RETREG1: variants seen among roughly 807,000 people sequenced by gnomAD.
RETREG1 encodes family with sequence similarity 134 member B.
A neutral mutation model predicts 54.8 loss-of-function variants in RETREG1; 44 were observed. The ratio of observed to expected loss-of-function variants is 0.80; its 90% CI spans 0.63 to 1.03. The LOEUF is 1.03. Ranked by LOEUF, RETREG1 falls within the 50% of genes least tolerant of loss-of-function variation. The probability of loss-of-function intolerance (pLI) is 0.00; values close to 1 mark genes in which losing one functional copy is unlikely to be tolerated. For missense variants in RETREG1, 554 were observed against 605.1 expected (o/e 0.92, Z 0.89); for synonymous variants, 217 against 238.5 (o/e 0.91, Z 0.83).
At chr5:16,487,896 T>C (rs1423343870) in intron 3 of RETREG1, among the ~76,000 whole-genome samples, 1 of 152,184 alleles carries the variant, frequency 6.6e-6, no homozygotes, top group Non-Finnish European at 1.5e-5. Context: ...CTGTCCCTAT[T>C]AGAATACAAT....
At chr5:16,508,887 T>TA (rs1740073860) in intron 3 of RETREG1, 1 of 1,306,256 alleles carries the variant, frequency 7.7e-7, no homozygotes, top group South Asian at 1.8e-5. Flanking sequence ...GGTCACCTCT[T>TA]ACTCCCAGTA....
chr5:16,474,696 A>ATTTTTTTTGTGT lies in RETREG1; in HGVS notation c.*44_*45insACACAAAAAAAA. 2.0e-6 allele frequency: 3 copies of ATTTTTTTTGTGT among 1,521,914 alleles called. No individual in the cohort carries two copies. The highest frequency in any genetic ancestry group is 1.3e-5 in the South Asian group (1 of 76,546). The allele number at this position is 1,521,914 out of a possible 1,614,324, so 94.3% of individuals were successfully genotyped here. On this transcript the variant is annotated 3_prime_UTR_variant, in exon 9 of 9. Coordinates refer to ENST00000306320, the MANE Select transcript of RETREG1 (RefSeq NM_001034850.3). ...TTTTTTTTTTTTTTTCTTGTTTGAAATTTTTTTGGTGTTTTTTGTGCTCTG... is the reference window on the plus strand; with the variant it reads ...TTTTTTTTTTTTTTTCTTGTTTGAAATTTTTTTTGTGTTTTTTTTGGTGTTTTTTGTGCTCTG...
chr5:16,486,247 AATTTAATCGAAATATATATG>A (rs969114224), intron 3 of RETREG1, among the ~76,000 whole-genome samples: 20 of 152,236 alleles, frequency 1.3e-4, no homozygotes, highest in African/African-American at 4.6e-4. Context: ...GGCTGAATAA[AATTTAATCGAAATATATATG>A]ATTTAAAAAG....
At chr5:16,576,488 A>T (rs115441812) in intron 1 of RETREG1, among the ~76,000 whole-genome samples, 6 of 148,776 alleles carry the variant, frequency 4.0e-5, no homozygotes, top group African/African-American at 9.9e-5. Context: ...TTATTTATTT[A>T]TTTTTTTATT....
intron 3 of RETREG1, among the ~76,000 whole-genome samples, chr5:16,547,344 C>A (rs182539977): frequency 2.2e-4 from 34 of 152,124 alleles, no homozygotes; most frequent in Non-Finnish European, 2.1e-4. Flanking sequence ...CTATTTTATC[C>A]GAGGAAAACA....
intron 1 of RETREG1, among the ~76,000 whole-genome samples, chr5:16,612,432 TAGACAGGGACAGGCGTGGGA>T (rs1463881899): frequency 3.9e-5 from 6 of 152,364 alleles, no homozygotes; most frequent in African/African-American, 1.4e-4. Flanking sequence ...GGAAACTGCG[TAGACAGGGACAGGCGTGGGA>T]AGACATCAAA....
rs1289071514 is a variant in RETREG1, at chr5:16,572,483, G to T, written c.321-381C>A. ...CCACCTCGGCCTCCCAAAGTGCTAG[G>T]ATTACAGGCGTGAGCCACTGTGCCT... On this transcript the variant is annotated intron_variant, in intron 1 of 8. Transcript: ENST00000306320. 2.6e-5 allele frequency among the ~76,000 whole-genome samples: 4 copies of T among 152,256 alleles called. No individual in the cohort carries two copies. In the East Asian group the frequency reaches 7.7e-4, roughly 29 times the overall value.
intron 3 of RETREG1, chr5:16,509,038 CTTTT>C (rs11403979): frequency 8.7e-6 from 8 of 921,344 alleles, no homozygotes; most frequent in African/African-American, 2.0e-5. Context: ...CTTCCCCCGG[CTTTT>C]TTTTTTTTTT....
At chr5:16,497,679 G>T (rs1380452590) in intron 3 of RETREG1, among the ~76,000 whole-genome samples, 3 of 152,166 alleles carry the variant, frequency 2.0e-5, no homozygotes, top group African/African-American at 7.2e-5. Context: ...ATCACCCTCT[G>T]TCCTCATCTC....
At chr5:16,540,823 G>C (rs1741217641) in intron 3 of RETREG1, among the ~76,000 whole-genome samples, 1 of 152,152 alleles carries the variant, frequency 6.6e-6, no homozygotes, top group Admixed American at 6.5e-5. Flanking sequence ...CATGTTCAGT[G>C]GCTGGCTAAT....
chr5:16,557,317 TGTAG>T (rs1741737499), intron 3 of RETREG1, among the ~76,000 whole-genome samples: 1 of 152,352 alleles, frequency 6.6e-6, no homozygotes, highest in Middle Eastern at 3.4e-3. Context: ...TAATTTTTTA[TGTAG>T]GTACACCACT....
intron 3 of RETREG1, among the ~76,000 whole-genome samples, chr5:16,500,553 T>C (rs1739666146): frequency 6.6e-6 from 1 of 152,060 alleles, no homozygotes; most frequent in African/African-American, 2.4e-5. Flanking sequence ...TCCAAATGGC[T>C]CAATCAGAAA....
intron 3 of RETREG1, among the ~76,000 whole-genome samples, chr5:16,514,893 T>C (rs2126572311): frequency 9.3e-6 from 1 of 107,908 alleles, no homozygotes; most frequent in East Asian, 3.1e-4. Flanking sequence ...TAGTATTCCA[T>C]GGCATGCATA....
chr5:16,548,348 C>T (rs1292214050), intron 3 of RETREG1, among the ~76,000 whole-genome samples: 2 of 152,156 alleles, frequency 1.3e-5, no homozygotes, highest in Non-Finnish European at 2.9e-5. Flanking sequence ...TATGCCCCTC[C>T]TGCCTTTGTC....
chr5:16,479,812 G>T (rs547700753), intron 5 of RETREG1, among the ~76,000 whole-genome samples: 2 of 152,114 alleles, frequency 1.3e-5, no homozygotes, highest in East Asian at 3.9e-4. Flanking sequence ...TGTCTCTAGA[G>T]GCCAAGAAAT....
At chr5:16,566,024 G>A (rs1010438471) in intron 2 of RETREG1, among the ~76,000 whole-genome samples, 7 of 152,170 alleles carry the variant, frequency 4.6e-5, no homozygotes, top group East Asian at 1.9e-4. Context: ...GGTGAGTACC[G>A]TGGGAGATAG....
chr5:16,559,758 T>C (rs78671354), intron 3 of RETREG1, among the ~76,000 whole-genome samples: 1 of 152,358 alleles, frequency 6.6e-6, no homozygotes, highest in African/African-American at 2.4e-5. Flanking sequence ...AATGATGCTG[T>C]GCATACAGAA....
chr5:16,564,044 G>A (rs1166679726), intron 3 of RETREG1, among the ~76,000 whole-genome samples: 1 of 152,076 alleles, frequency 6.6e-6, no homozygotes, highest in Non-Finnish European at 1.5e-5. Context: ...AACTTAAGCA[G>A]TATTTCTTGT....
chr5:16,571,967 C>T (rs762176617), intron 2 of RETREG1, 29 bp downstream of exon 2: 20 of 1,512,018 alleles, frequency 1.3e-5, no homozygotes, highest in East Asian at 2.3e-5. Flanking sequence ...AAATTAAATA[C>T]CATATAAATA....
Sources: gnomAD v4.1 joint callset for allele counts (sites outside exome capture counted in the v4.1 genomes callset) on GRCh38, gnomAD v4.1.1 for gene constraint, MANE v1.5 for transcripts, NCBI Gene and HGNC (gene_info 2026-07-23, HGNC 2026-07-21) for gene names.